NRCAM: variants seen among roughly 807,000 people sequenced by gnomAD.
The protein encoded by NRCAM is neuronal cell adhesion molecule.
In NRCAM, 83 loss-of-function variants were observed where a neutral mutation model predicts 156.5. The observed-to-expected ratio is 0.53, with a 90% CI of 0.44 to 0.64. The LOEUF (loss-of-function observed/expected upper bound fraction) is 0.64. Ranked by LOEUF, NRCAM falls within the 30% of genes least tolerant of loss-of-function variation. NRCAM has a pLI of 0.00. For synonymous variants in NRCAM, 538 were observed against 563.9 expected, an observed-to-expected ratio of 0.95 and a Z score of 0.65; for missense variants, 1,417 against 1,597.3, an observed-to-expected ratio of 0.89 and a Z score of 1.92.
At chr7:108,440,059 T>C (rs1219309456) in intron 1 of NRCAM, among the ~76,000 whole-genome samples, 1 of 152,148 alleles carries the variant, frequency 6.6e-6, no homozygotes, top group Non-Finnish European at 1.5e-5. Flanking sequence ...TAAGGACTTG[T>C]ACGCTAATAT....
chr7:108,390,455 TTC>T (rs1375796220), intron 2 of NRCAM, among the ~76,000 whole-genome samples: 10 of 152,206 alleles, frequency 6.6e-5, no homozygotes, highest in African/African-American at 2.4e-4. Flanking sequence ...TATTTGATTC[TTC>T]TCTCTTTTCT....
chr7:108,224,172 T>C (rs924350574), intron 10 of NRCAM, among the ~76,000 whole-genome samples: 1 of 152,152 alleles, frequency 6.6e-6, no homozygotes, highest in Admixed American at 6.5e-5. Flanking sequence ...GAAAATCATG[T>C]TATCAAACTA....
At chr7:108,430,323 C>CA (rs1164586091) in intron 1 of NRCAM, among the ~76,000 whole-genome samples, 1 of 152,134 alleles carries the variant, frequency 6.6e-6, no homozygotes, top group Admixed American at 6.5e-5. Flanking sequence ...AGGAGGCTCT[C>CA]ACAATATCCA....
intron 24 of NRCAM, 48 bp downstream of exon 24, chr7:108,181,774 G>T: frequency 7.7e-7 from 1 of 1,295,376 alleles, no homozygotes. Context: ...AGTGGCATTC[G>T]CTGCAGCCCT....
At chr7:108,189,593 T>C (rs1432365541) in intron 20 of NRCAM, 52 bp downstream of exon 20, 2 of 791,336 alleles carry the variant, frequency 2.5e-6, no homozygotes, top group Non-Finnish European at 2.3e-6. Flanking sequence ...TACAAAGTGC[T>C]TCAAACATGG....
chr7:108,149,928 G>C lies in NRCAM; in HGVS notation c.3897C>G (p.Ala1299=). The part of the protein sequence containing the change: ...ESSEAPSPVN[A]MNSFV ...TTAAAAATTAAACAAAGGAATTCAT[G>C]GCGTTGACAGGAGAAGGTGCCTCTG... Residue 1299 remains alanine, a synonymous_variant, in exon 33 of 33, where the codon GCC becomes GCG. Coordinates refer to ENST00000379028, the MANE Select transcript of NRCAM (RefSeq NM_001037132.4). 1 of 1,607,704 alleles carries C rather than the reference G, an allele frequency of 6.2e-7. No homozygotes were observed. Among genetic ancestry groups the C allele is most frequent in the Non-Finnish European group, 8.5e-7 (1 of 1,178,364 alleles).
intron 2 of NRCAM, among the ~76,000 whole-genome samples, chr7:108,348,652 GCC>G (rs1413570705): frequency 6.6e-6 from 1 of 152,150 alleles, no homozygotes; most frequent in African/African-American, 2.4e-5. Flanking sequence ...AGCAGCTCAT[GCC>G]TATAATTCCA....
intron 3 of NRCAM, among the ~76,000 whole-genome samples, chr7:108,286,421 T>C (rs948259440): frequency 2.7e-5 from 4 of 150,388 alleles, no homozygotes; most frequent in Non-Finnish European, 4.4e-5. Context: ...CAATACTCAC[T>C]GGAATGAACA....
At chr7:108,353,965 T>C (rs887915517) in intron 2 of NRCAM, among the ~76,000 whole-genome samples, 1 of 152,230 alleles carries the variant, frequency 6.6e-6, no homozygotes, top group African/African-American at 2.4e-5. Context: ...GTTGGATTGG[T>C]CGTTTAATGT....
intron 32 of NRCAM, among the ~76,000 whole-genome samples, chr7:108,155,101 T>TATACAC (rs1270777439): frequency 0.016 from 1,980 of 122,974 alleles, 28 homozygotes; most frequent in South Asian, 0.028. Context: ...TATATATATA[T>TATACAC]ACACACACAC....
At chr7:108,371,150 T>C (rs561755402) in intron 2 of NRCAM, among the ~76,000 whole-genome samples, 1 of 152,278 alleles carries the variant, frequency 6.6e-6, no homozygotes, top group South Asian at 2.1e-4. Context: ...TCTGAGACCA[T>C]AGCAAATATA....
At chr7:108,184,855 C>G (rs1483942582) in intron 20 of NRCAM, among the ~76,000 whole-genome samples, 1 of 151,942 alleles carries the variant, frequency 6.6e-6, no homozygotes, top group Non-Finnish European at 1.5e-5. Flanking sequence ...TTAATTTCTC[C>G]TATTACAAAA....
At chr7:108,166,857 G>C (rs2054696800) in intron 30 of NRCAM, 64 bp downstream of exon 30, 1 of 1,514,712 alleles carries the variant, frequency 6.6e-7, no homozygotes, top group Non-Finnish European at 9.1e-7. Flanking sequence ...CCCATCTCCA[G>C]CTGGAGCACC....
intron 1 of NRCAM, among the ~76,000 whole-genome samples, chr7:108,429,932 T>C (rs1428686501): frequency 6.6e-6 from 1 of 152,046 alleles, no homozygotes; most frequent in East Asian, 1.9e-4. Flanking sequence ...AAAGGTGACA[T>C]CAGAGGAAAA....
At chr7:108,289,209 T>C (rs1263175182) in intron 3 of NRCAM, among the ~76,000 whole-genome samples, 2 of 152,176 alleles carry the variant, frequency 1.3e-5, no homozygotes, top group African/African-American at 4.8e-5. Context: ...AGATAAATTC[T>C]CTGCCTTTTA....
chr7:108,246,320 A>G (rs2095914612), intron 3 of NRCAM, among the ~76,000 whole-genome samples: 1 of 152,174 alleles, frequency 6.6e-6, no homozygotes, highest in African/African-American at 2.4e-5. Flanking sequence ...TGTCTGAACA[A>G]AGGCAGGGAG....
At chr7:108,384,671 C>T (rs16872525) in intron 2 of NRCAM, among the ~76,000 whole-genome samples, 26,846 of 152,142 alleles carry the variant, frequency 0.18, 2,733 homozygotes, top group East Asian at 0.39. Flanking sequence ...AATCCTGAGC[C>T]TCCTGTTAAA....
chr7:108,317,024 G>A (rs1052528012), intron 2 of NRCAM, among the ~76,000 whole-genome samples: 1 of 152,094 alleles, frequency 6.6e-6, no homozygotes, highest in Admixed American at 6.6e-5. Flanking sequence ...TCTTTTCCAC[G>A]CCTCCTATCT....
At chr7:108,371,966 T>C (rs952728710) in intron 2 of NRCAM, among the ~76,000 whole-genome samples, 1 of 152,100 alleles carries the variant, frequency 6.6e-6, no homozygotes, top group African/African-American at 2.4e-5. Flanking sequence ...GATTTCAAAA[T>C]ATATTACAAA....
Sources: gnomAD v4.1 joint callset for allele counts (sites outside exome capture counted in the v4.1 genomes callset) on GRCh38, gnomAD v4.1.1 for gene constraint, MANE v1.5 for transcripts, NCBI Gene and HGNC (gene_info 2026-07-23, HGNC 2026-07-21) for gene names.